The following RBFOX1 variants were observed in gnomAD, a reference collection of about 807,000 sequenced individuals.
The protein encoded by RBFOX1 is RNA binding fox-1 homolog 1, also known as RNA binding protein fox-1 homolog 1.
Under a neutral mutation model 57.7 loss-of-function variants are expected in RBFOX1, and 8 were observed. The ratio of observed to expected loss-of-function variants is 0.14; its 90% CI spans 0.08 to 0.25. RBFOX1 has a LOEUF of 0.25. Ranked by LOEUF, RBFOX1 falls within the 10% of genes least tolerant of loss-of-function variation. RBFOX1 has a pLI of 1.00. For synonymous variants in RBFOX1, 326 were observed against 222.4 expected (o/e 1.47, Z -4.15); for missense variants, 611 against 548.5 (o/e 1.11, Z -1.14).
chr16:7,468,461 T>G (rs533279238), intron 4 of RBFOX1, among the ~76,000 whole-genome samples: 2 of 151,474 alleles, frequency 1.3e-5, no homozygotes, highest in East Asian at 1.9e-4. Flanking sequence ...GAGGGTGTTT[T>G]TTTTTTTTTT....
intron 1 of RBFOX1, among the ~76,000 whole-genome samples, chr16:6,100,186 G>C (rs926355050): frequency 1.3e-5 from 2 of 151,394 alleles, no homozygotes; most frequent in African/African-American, 2.4e-5. Flanking sequence ...TTTTTGAGAC[G>C]GAGTCTTGCT....
rs1335732956 is a variant in RBFOX1, at chr16:5,997,840, A to G, written c.351+130505A>G. Among the ~76,000 whole-genome samples the G allele has an allele frequency of 4.6e-5, 7 of 151,426 alleles. No homozygotes were observed. In the East Asian group the frequency reaches 1.4e-3, roughly 31 times the overall value. On this transcript the variant is annotated intron_variant, in intron 4 of 19. Coordinates refer to the RBFOX1 transcript ENST00000641259. The stretch of plus-strand genomic sequence containing the variant: ...CATGTAGTTTAATGCCTGTACATTT[A>G]GTTTACTTTACTTTTTTTTTATTTG...
intron 14 of RBFOX1, among the ~76,000 whole-genome samples, chr16:7,691,466 G>A (rs1470513479): frequency 6.6e-6 from 1 of 151,776 alleles, no homozygotes; most frequent in Non-Finnish European, 1.5e-5. Flanking sequence ...GGAAGGAAAG[G>A]GTAGGAGAGG....
At chr16:6,794,909 A>T (rs1459083335) in intron 3 of RBFOX1, among the ~76,000 whole-genome samples, 1 of 152,084 alleles carries the variant, frequency 6.6e-6, no homozygotes, top group Non-Finnish European at 1.5e-5. Context: ...CAACCCATTC[A>T]TTTCACAGAT....
chr16:6,940,620 C>T (rs113717384), intron 3 of RBFOX1, among the ~76,000 whole-genome samples: 5,746 of 152,086 alleles, frequency 0.038, 372 homozygotes, highest in African/African-American at 0.13. Flanking sequence ...TTTTTTGAGG[C>T]GGAGTCTTAC....
intron 3 of RBFOX1, among the ~76,000 whole-genome samples, chr16:6,664,164 C>T (rs115986410): frequency 0.015 from 2,239 of 152,194 alleles, 56 homozygotes; most frequent in African/African-American, 0.051. Flanking sequence ...GTCCAGCCAT[C>T]TCTAGCCAAG....
At chr16:6,325,678 A>T (rs914669790) in intron 2 of RBFOX1, among the ~76,000 whole-genome samples, 5 of 152,210 alleles carry the variant, frequency 3.3e-5, no homozygotes, top group African/African-American at 1.2e-4. Flanking sequence ...AAATTTTGGT[A>T]AAATAGGCTG....
chr16:5,798,940 C>G lies in RBFOX1; in HGVS notation c.319-68363C>G, dbSNP rs570749043. 1.6e-4 allele frequency among the ~76,000 whole-genome samples: 24 copies of G among 152,234 alleles called. No homozygotes were observed. In the East Asian group the frequency reaches 4.1e-3, roughly 26 times the overall value. ...TCAGCTCCAGTTCTGCCACTTGACTCCTGCAAGATCTCGGGTGAGCCACTC... is the reference window on the plus strand; with the variant it reads ...TCAGCTCCAGTTCTGCCACTTGACTGCTGCAAGATCTCGGGTGAGCCACTC... On this transcript the variant is annotated intron_variant, in intron 3 of 19. Transcript: ENST00000641259.
At chr16:5,766,926 C>T (rs746288899) in intron 3 of RBFOX1, among the ~76,000 whole-genome samples, 36 of 152,330 alleles carry the variant, frequency 2.4e-4, no homozygotes, top group South Asian at 4.1e-4. Flanking sequence ...TAGTTCAGTA[C>T]GTGCTACTTC....
At chr16:6,165,159 G>A (rs758686421) in intron 1 of RBFOX1, among the ~76,000 whole-genome samples, 3 of 151,826 alleles carry the variant, frequency 2.0e-5, no homozygotes, top group Non-Finnish European at 4.4e-5. Flanking sequence ...TTAAGTGGGA[G>A]TAATAGTATT....
Position 5,590,076 on chromosome 16 carries a change from C to CACAA in RBFOX1, c.259-8825_259-8824insCAAA, listed in dbSNP as rs2046957959. On this transcript the variant is annotated intron_variant, in intron 2 of 2. Transcript: ENST00000585867. ...ACACACACACACACACACACACACACAAAAAGGGCAGCAGGTGTTATTTGG... is the reference window on the plus strand; with the variant it reads ...ACACACACACACACACACACACACACACAAAAAAAGGGCAGCAGGTGTTATTTGG... 3.2e-5 allele frequency among the ~76,000 whole-genome samples: 3 copies of CACAA among 92,694 alleles called. No homozygotes were observed. In the South Asian group the frequency reaches 1.2e-3, roughly 38 times the overall value. 60.8% of individuals were successfully genotyped at this position (92,694 alleles called of 152,430 possible).
intron 1 of RBFOX1, among the ~76,000 whole-genome samples, chr16:5,444,291 T>A (rs1054483461): frequency 4.6e-5 from 7 of 152,198 alleles, no homozygotes; most frequent in African/African-American, 1.7e-4. Flanking sequence ...ATGACCTCAT[T>A]GCAACATTTA....
intron 3 of RBFOX1, among the ~76,000 whole-genome samples, chr16:5,746,118 A>C (rs1302058393): frequency 6.6e-6 from 1 of 152,212 alleles, no homozygotes; most frequent in Non-Finnish European, 1.5e-5. Context: ...TTTTTGTATA[A>C]GGTGTAAAGA....
chr16:7,482,701 C>T (rs1439492059), intron 4 of RBFOX1, among the ~76,000 whole-genome samples: 2 of 151,792 alleles, frequency 1.3e-5, no homozygotes, highest in African/African-American at 4.8e-5. Flanking sequence ...GCTTGCACTT[C>T]GAATCCACAA....
At chr16:5,367,876 G>T (rs9888953) in intron 1 of RBFOX1, among the ~76,000 whole-genome samples, 16 of 152,144 alleles carry the variant, frequency 1.1e-4, no homozygotes, top group Admixed American at 9.2e-4. Context: ...AGGAGGTTCC[G>T]TATTTGCTCT....
rs2062121493 is a variant in RBFOX1, at chr16:5,239,936, G to T, written c.50G>T (p.Arg17Met). ...GAAGCCACTGGCAAGCCCCGAGGCA[G>T]GGATGGCCGGCCCAGGAGGGAGGAG... The change falls in exon 1 of 3, where the codon AGG becomes ATG. Residue 17 changes from arginine (R) to methionine (M), a missense_variant. Coordinates refer to the RBFOX1 transcript ENST00000585867. 4.6e-6 allele frequency: 7 copies of T among 1,525,748 alleles called. No homozygotes were observed. The South Asian group carries it at 7.2e-5, about 16-fold the overall frequency. 94.5% of individuals were successfully genotyped at this position (1,525,748 alleles called of 1,614,324 possible).
intron 3 of RBFOX1, among the ~76,000 whole-genome samples, chr16:5,762,970 A>T (rs1487857404): frequency 2.0e-5 from 3 of 152,258 alleles, no homozygotes; most frequent in Non-Finnish European, 4.4e-5. Context: ...ACTGTGAATG[A>T]TTTTTTAATT....
At chr16:6,074,112 C>T (rs548826129) in intron 1 of RBFOX1, among the ~76,000 whole-genome samples, 86 of 152,062 alleles carry the variant, frequency 5.7e-4, no homozygotes, top group Non-Finnish European at 1.1e-3. Flanking sequence ...CCACGCCTGG[C>T]TAATTTTTTG....
chr16:6,938,171 C>T lies in RBFOX1; in HGVS notation c.-15-113886C>T, dbSNP rs187041915. Among the ~76,000 whole-genome samples, 581 of 152,244 alleles carry T rather than the reference C, an allele frequency of 3.8e-3. 1 individual carries two copies. Among genetic ancestry groups the T allele is most frequent in the African/African-American group, 0.013 (548 of 41,548 alleles). On this transcript the variant is annotated intron_variant, in intron 3 of 15. Transcript: ENST00000550418. Reference sequence around the variant, plus strand: ...AAGTTCATTGTTTAAAAACAAATTTCTGGATTTACTTTCCTAGTGTAGAAT... The same window carrying T: ...AAGTTCATTGTTTAAAAACAAATTTTTGGATTTACTTTCCTAGTGTAGAAT...
Sources: allele counts gnomAD v4.1 joint callset (sites outside exome capture counted in the v4.1 genomes callset), GRCh38; gene constraint gnomAD v4.1.1; transcripts MANE v1.5; gene names NCBI Gene and HGNC (gene_info 2026-07-23, HGNC 2026-07-21).